Variants in USP22 observed in about 807,000 individuals in gnomAD.
USP22 encodes ubiquitin specific peptidase 22.
A neutral mutation model predicts 68.1 loss-of-function variants in USP22; 22 were observed. The observed-to-expected ratio is 0.32, with a 90% CI of 0.23 to 0.46. USP22 has a LOEUF of 0.46. Among genes scored for constraint, USP22 ranks in the 20% least tolerant of loss-of-function variants. The pLI, the probability that USP22 is intolerant of heterozygous loss-of-function variation, is 1.00. For missense variants in USP22, 433 were observed against 695.8 expected, an observed-to-expected ratio of 0.62 and a Z score of 4.25; for synonymous variants, 279 against 274.2, an observed-to-expected ratio of 1.02 and a Z score of -0.17.
At chr17:21,012,993 G>A in intron 6 of USP22, 58 bp from the exon 7 acceptor site, 1 of 1,548,538 alleles carries the variant, frequency 6.5e-7, no homozygotes, top group Middle Eastern at 1.7e-4. Flanking sequence ...GAGTCTCTAA[G>A]GGAAGAGCAG....
At chr17:21,042,200 GGA>G (rs900241933) in intron 1 of USP22, 7 of 154,266 alleles carry the variant, frequency 4.5e-5, no homozygotes, top group African/African-American at 1.7e-4. Context: ...TCCAGAACCA[GGA>G]GAGTTCCCCG....
intron 1 of USP22, among the ~76,000 whole-genome samples, chr17:21,035,399 G>A (rs1972340961): frequency 6.6e-6 from 1 of 152,034 alleles, no homozygotes; most frequent in Non-Finnish European, 1.5e-5. Context: ...CTTGAAAACT[G>A]AGTTTACTTC....
chr17:21,020,244 C>CAAAAAAAAAAAAAAACAA (rs1972136649), intron 3 of USP22, among the ~76,000 whole-genome samples: 1 of 73,250 alleles, frequency 1.4e-5, no homozygotes, highest in East Asian at 6.4e-4. Flanking sequence ...AATCAAAAAC[C>CAAAAAAAAAAAAAAACAA]AAAAAAAAAA....
intron 1 of USP22, among the ~76,000 whole-genome samples, chr17:21,029,125 T>C (rs1259640646): frequency 7.2e-5 from 11 of 152,070 alleles, no homozygotes; most frequent in Admixed American, 6.6e-5. Context: ...ATCAAAGCAA[T>C]GTACAGAAGA....
chr17:21,041,454 C>T (rs1266951590), intron 1 of USP22, among the ~76,000 whole-genome samples: 2 of 151,902 alleles, frequency 1.3e-5, no homozygotes, highest in African/African-American at 2.4e-5. Context: ...AAAAATTAGC[C>T]GGGCGTGGTA....
At chr17:21,013,190 AC>A (rs1914021752) in intron 6 of USP22, among the ~76,000 whole-genome samples, 1 of 152,100 alleles carries the variant, frequency 6.6e-6, no homozygotes, top group African/African-American at 2.4e-5. Context: ...TGCCAAGAAA[AC>A]CCACCTAATG....
rs551171319 is a variant in USP22, at chr17:21,012,092, C to T, written c.944+738G>A. On this transcript the variant is annotated intron_variant, in intron 7 of 12. Coordinates refer to ENST00000261497, the MANE Select transcript of USP22 (RefSeq NM_015276.2). ...TCCATTTCGGGTTCTGAAATAATTT[C>T]GGTGGATCATGTCCAGGGTTTTTAA... Among the ~76,000 whole-genome samples the T allele has an allele frequency of 1.5e-4, 23 of 152,166 alleles. No individual in the cohort carries two copies. The South Asian group carries it at 2.7e-3, about 18-fold the overall frequency.
At position 21,004,188 on chromosome 17, in the gene USP22, C is replaced by G; in HGVS notation, c.1535+14G>C. On this transcript the variant is annotated intron_variant, in intron 12 of 12. Coordinates refer to ENST00000261497, the MANE Select transcript of USP22 (RefSeq NM_015276.2). The stretch of plus-strand genomic sequence containing the variant: ...AGCCACCGTAGGGCCTTCCTCCCAC[C>G]CCACAGGACGCACCCTTCGCTGTCC... 6.2e-7 allele frequency: 1 copy of G among 1,612,224 alleles called. No homozygotes were observed. The highest frequency in any genetic ancestry group is 8.5e-7 in the Non-Finnish European group (1 of 1,178,606).
At position 21,004,272 on chromosome 17, in the gene USP22, C is replaced by T. The variant is rs1044002445; in HGVS notation, c.1465G>A (p.Asp489Asn). ...GCATCGTCACACTTGAACCACTGGT[C>T]TTTGTGCTGCCGGATAAAGCTGGTG... is the stretch of plus-strand genomic sequence containing the variant. ...HYTSFIRQHK[D>N]QWFKCDDAII... The change falls in exon 12 of 13, where the codon GAC becomes AAC. Residue 489 changes from aspartate (D) to asparagine (N), a missense_variant. By Grantham distance (23) the Asp-to-Asn change is conservative (BLOSUM62 1). Coordinates refer to ENST00000261497, the MANE Select transcript of USP22 (RefSeq NM_015276.2). The T allele has an allele frequency of 6.2e-7, 1 of 1,614,164 alleles. No homozygotes were observed. The highest frequency in any genetic ancestry group is 1.3e-5 in the African/African-American group (1 of 75,030).
intron 2 of USP22, among the ~76,000 whole-genome samples, chr17:21,026,313 C>G (rs781061403): frequency 1.3e-5 from 2 of 152,088 alleles, no homozygotes; most frequent in Non-Finnish European, 2.9e-5. Flanking sequence ...TATGTTTTGC[C>G]TTAAATCGTC....
intron 6 of USP22, 119 bp from the exon 7 acceptor site, chr17:21,013,054 T>C (rs915808517): frequency 9.1e-6 from 7 of 772,816 alleles, no homozygotes; most frequent in Non-Finnish European, 1.5e-5. Flanking sequence ...TAAAAGGCCA[T>C]GTGAGGACAC....
At chr17:21,005,721 A>G (rs1312912580) in intron 10 of USP22, among the ~76,000 whole-genome samples, 3 of 152,214 alleles carry the variant, frequency 2.0e-5, no homozygotes, top group African/African-American at 7.2e-5. Flanking sequence ...AAAAAGCAAC[A>G]TGCTTTCCAC....
intron 5 of USP22, among the ~76,000 whole-genome samples, 165 bp downstream of exon 5, chr17:21,017,777 T>C (rs1972106597): frequency 6.6e-6 from 1 of 152,244 alleles, no homozygotes; most frequent in South Asian, 2.1e-4. Context: ...GGTCTTCCCT[T>C]TTTGGAAAAC....
intron 2 of USP22, among the ~76,000 whole-genome samples, chr17:21,025,724 C>T (rs561039620): frequency 3.9e-5 from 6 of 152,092 alleles, no homozygotes; most frequent in South Asian, 4.1e-4. Context: ...TGCATGCTTG[C>T]GGAAAGAAGC....
In USP22 at chr17:21,042,846, GC is replaced by G. The variant is rs1313757183; in HGVS notation, c.-12del. On this transcript the variant is annotated 5_prime_UTR_variant, in exon 1 of 13. Transcript: ENST00000261497. ...TGGCCGGGACACCATGGGGGGCAAG[GC>G]CCGGCCGCGCGCGGGGGGCGGCGGC... 7.1e-5 allele frequency: 90 copies of G among 1,264,310 alleles called. No individual in the cohort carries two copies. The highest frequency in any genetic ancestry group is 8.5e-5 in the Non-Finnish European group (85 of 1,004,098). 78.3% of individuals were successfully genotyped at this position (1,264,310 alleles called of 1,614,324 possible).
intron 3 of USP22, among the ~76,000 whole-genome samples, 171 bp from the exon 4 acceptor site, chr17:21,019,356 A>G (rs1972125962): frequency 6.6e-6 from 1 of 152,246 alleles, no homozygotes; most frequent in Non-Finnish European, 1.5e-5. Flanking sequence ...GCTACACACA[A>G]CACTTAAAGG....
intron 10 of USP22, 172 bp from the exon 11 acceptor site, chr17:21,005,162 A>G: frequency 1.3e-6 from 1 of 762,300 alleles, no homozygotes; most frequent in East Asian, 2.8e-5. Flanking sequence ...CTGACGCTCA[A>G]GCTGTGGAGG....
intron 1 of USP22, among the ~76,000 whole-genome samples, chr17:21,032,437 C>T (rs1972301899): frequency 6.6e-6 from 1 of 152,184 alleles, no homozygotes; most frequent in Non-Finnish European, 1.5e-5. Context: ...TAAGGTAGCA[C>T]ATGTCTTCCA....
In USP22 at chr17:21,025,229, A is replaced by G. The variant is rs180961580; in HGVS notation, c.304+3313T>C. Among the ~76,000 whole-genome samples the G allele has an allele frequency of 1.2e-4, 19 of 152,336 alleles. No individual in the cohort carries two copies. The East Asian group carries it at 2.7e-3, about 22-fold the overall frequency. ...TAAAAAAAGCAATGGACATGAACTG[A>G]TATTTCTCCAAACATATACAAATGG... On this transcript the variant is annotated intron_variant, in intron 2 of 12. Transcript: ENST00000261497.
Sources: allele counts gnomAD v4.1 joint callset (sites outside exome capture counted in the v4.1 genomes callset), GRCh38; gene constraint gnomAD v4.1.1; transcripts MANE v1.5; gene names NCBI Gene and HGNC (gene_info 2026-07-23, HGNC 2026-07-21).